BAMBI: variants seen among roughly 807,000 people sequenced by gnomAD.
BAMBI encodes BMP and activin membrane-bound inhibitor homolog.
In BAMBI, 21 loss-of-function variants were observed where a neutral mutation model predicts 24.1. The ratio of observed to expected loss-of-function variants is 0.87; its 90% CI spans 0.62 to 1.26. The LOEUF is 1.26. Ranked by LOEUF, BAMBI falls within the 50% of genes most tolerant of loss-of-function variation. The pLI is 0.00. For missense variants in BAMBI, 388 were observed against 329.1 expected, an observed-to-expected ratio of 1.18 and a Z score of -1.38; for synonymous variants, 156 against 123.1, an observed-to-expected ratio of 1.27 and a Z score of -1.77.
intron 1 of BAMBI, among the ~76,000 whole-genome samples, chr10:28,679,444 AC>A (rs1233408397): frequency 5.3e-5 from 8 of 152,180 alleles, no homozygotes; most frequent in African/African-American, 1.9e-4. Flanking sequence ...TTTGCATGCC[AC>A]AGGAAGAAAC....
rs556798784 is a variant in BAMBI, at chr10:28,682,179, G to A, written c.561G>A (p.Arg187=). 101 of 1,614,180 alleles carry A rather than the reference G, an allele frequency of 6.3e-5. 1 individual carries two copies. In the South Asian group the frequency reaches 1.1e-3, roughly 17 times the overall value. Residue 187 remains arginine (R), a synonymous_variant, in exon 3 of 3, where the codon CGG becomes CGA. Transcript: ENST00000375533. ...AAAATAAGAGGCTGCAGGATCAGCG[G>A]CAACAGATGCTCTCCCGTTTGCACT... ...RSENKRLQDQ[R]QQMLSRLHYS... is the part of the protein sequence containing the mutation.
rs902755062 is a variant in BAMBI, at chr10:28,677,875, C to T, written c.-23C>T. On this transcript the variant is annotated 5_prime_UTR_variant, in exon 1 of 3. Coordinates refer to ENST00000375533, the MANE Select transcript of BAMBI (RefSeq NM_012342.3). ...CCGGGGCTCCGGAAGCCGGCGGGGGCGCCGCGGCCGTGCGGGGCGTCAATG... is the reference window on the plus strand; with the variant it reads ...CCGGGGCTCCGGAAGCCGGCGGGGGTGCCGCGGCCGTGCGGGGCGTCAATG... The T allele has an allele frequency of 1.9e-5, 29 of 1,489,278 alleles. No homozygotes were observed. Among genetic ancestry groups the T allele is most frequent in the African/African-American group, 8.7e-5 (6 of 68,864 alleles). The allele number at this position is 1,489,278 out of a possible 1,614,324, so 92.3% of individuals were successfully genotyped here. A position where few individuals can be genotyped will look rare whatever the true frequency, so the allele number is the denominator to read the frequency against.
At chr10:28,681,592 C>A (rs777266309) in intron 2 of BAMBI, 47 bp downstream of exon 2, 2 of 1,581,010 alleles carry the variant, frequency 1.3e-6, no homozygotes, top group African/African-American at 2.7e-5. Flanking sequence ...GATCTATAGA[C>A]TTGTGACAGC....
rs144540469 is a variant in BAMBI at position 28,681,837 on chromosome 10, G to C, written c.365-146G>C. 869 of 892,820 alleles carry C rather than the reference G, an allele frequency of 9.7e-4. 5 individuals are homozygous for C. In the African/African-American group the frequency reaches 0.013, roughly 13 times the overall value. The allele number at this position is 892,820 out of a possible 1,614,324, so 55.3% of individuals were successfully genotyped here. A position where few individuals can be genotyped will look rare whatever the true frequency, so the allele number is the denominator to read the frequency against. On this transcript the variant is annotated intron_variant, in intron 2 of 2. Transcript: ENST00000375533. The stretch of plus-strand genomic sequence containing the variant: ...ACAAATGCGTTTGTAAGCTTCTTCA[G>C]ATAGTTTTGCAATGTTTTCTAAATA...
At chr10:28,679,030 A>G (rs73609849) in intron 1 of BAMBI, among the ~76,000 whole-genome samples, 103 of 152,314 alleles carry the variant, frequency 6.8e-4, no homozygotes, top group African/African-American at 2.4e-3. Context: ...ATTGCTATGT[A>G]GCAGGCATGA....
Position 28,681,298 on chromosome 10 carries a change from C to T in BAMBI, c.117C>T (p.Ala39=). The T allele has an allele frequency of 6.2e-7, 1 of 1,613,806 alleles. No homozygotes were observed. Among genetic ancestry groups the T allele is most frequent in the Non-Finnish European group, 8.5e-7 (1 of 1,180,028 alleles). The change falls in exon 2 of 3, where the codon GCC becomes GCT. Residue 39 remains alanine, a synonymous_variant. Transcript: ENST00000375533. Reference sequence around the variant, plus strand: ...ACTGTGATGCTGCCCACTGTGTAGCCACTGGTTATATGTGTAAATCTGAGC... The same window carrying T: ...ACTGTGATGCTGCCCACTGTGTAGCTACTGGTTATATGTGTAAATCTGAGC... ...RCYCDAAHCV[A]TGYMCKSELS... is the part of the protein sequence containing the mutation.
rs1161305483 is a variant in BAMBI at position 28,677,872 on chromosome 10, G to A, written c.-26G>A. The A allele has an allele frequency of 2.0e-5, 30 of 1,487,616 alleles. No homozygotes were observed. The highest frequency in any genetic ancestry group is 2.8e-5 in the East Asian group (1 of 36,160). The allele number at this position is 1,487,616 out of a possible 1,614,324, so 92.2% of individuals were successfully genotyped here. ...GAGCCGGGGCTCCGGAAGCCGGCGG[G>A]GGCGCCGCGGCCGTGCGGGGCGTCA... On this transcript the variant is annotated 5_prime_UTR_variant, in exon 1 of 3. Coordinates refer to ENST00000375533, the MANE Select transcript of BAMBI (RefSeq NM_012342.3).
At chr10:28,680,731 C>A (rs559487938) in intron 1 of BAMBI, among the ~76,000 whole-genome samples, 2 of 152,304 alleles carry the variant, frequency 1.3e-5, no homozygotes, top group East Asian at 3.9e-4. Context: ...TGCCTAGTTT[C>A]ATAGTTTTAA....
At position 28,682,447 on chromosome 10, in the gene BAMBI, T is replaced by C; in HGVS notation, c.*46T>C. The C allele has an allele frequency of 4.5e-6, 7 of 1,545,956 alleles. No homozygotes were observed. Among genetic ancestry groups the C allele is most frequent in the Non-Finnish European group, 6.2e-6 (7 of 1,137,050 alleles). ...ACTTACTGAACAGCTTGAAGGCCTTTTGAGTTCTGCTGGACAGGAGCACTT... is the reference window on the plus strand; with the variant it reads ...ACTTACTGAACAGCTTGAAGGCCTTCTGAGTTCTGCTGGACAGGAGCACTT... On this transcript the variant is annotated 3_prime_UTR_variant, in exon 3 of 3. Transcript: ENST00000375533.
chr10:28,682,510 CAAAATGA>C lies in BAMBI; in HGVS notation c.*110_*116del. On this transcript the variant is annotated 3_prime_UTR_variant, in exon 3 of 3. Coordinates refer to ENST00000375533, the MANE Select transcript of BAMBI (RefSeq NM_012342.3). Reference sequence around the variant, plus strand: ...AACTCATTTAATCATCTTTGAGAGACAAAATGACCTCTGCAAACAGAATCTTGGATAT... The same window carrying C: ...AACTCATTTAATCATCTTTGAGAGACCCTCTGCAAACAGAATCTTGGATAT... 3 of 995,486 alleles carry C rather than the reference CAAAATGA, an allele frequency of 3.0e-6. No homozygotes were observed. The Admixed American group carries it at 8.0e-5, about 26-fold the overall frequency. The allele number at this position is 995,486 out of a possible 1,614,324, so 61.7% of individuals were successfully genotyped here. A position where few individuals can be genotyped will look rare whatever the true frequency, so the allele number is the denominator to read the frequency against.
chr10:28,677,617 G>A lies in BAMBI; in HGVS notation c.-281G>A, dbSNP rs1017664331. 42 of 225,352 alleles carry A rather than the reference G, an allele frequency of 1.9e-4. No homozygotes were observed. The highest frequency in any genetic ancestry group is 9.4e-4 in the African/African-American group (41 of 43,450). 14.0% of individuals were successfully genotyped at this position (225,352 alleles called of 1,614,324 possible). On this transcript the variant is annotated 5_prime_UTR_variant, in exon 1 of 3. Transcript: ENST00000375533. Reference sequence around the variant, plus strand: ...CGGCCGCTAGCGGGGACTGAAGGCCGGGAGCCCACTCCCGACCCGGGGCTA... The same window carrying A: ...CGGCCGCTAGCGGGGACTGAAGGCCAGGAGCCCACTCCCGACCCGGGGCTA...
Position 28,677,717 on chromosome 10 carries a change from TCCTGGG to T in BAMBI, c.-179_-174del, listed in dbSNP as rs1834451104. ...GGGGGACCGGGAAACTTTTCTGGGC[TCCTGGG>T]CGCGCCCTGTAGCCGCGCTCCATGC... On this transcript the variant is annotated 5_prime_UTR_variant, in exon 1 of 3. Transcript: ENST00000375533. 5 of 303,156 alleles carry T rather than the reference TCCTGGG, an allele frequency of 1.6e-5. No individual in the cohort carries two copies. Among genetic ancestry groups the T allele is most frequent in the Non-Finnish European group, 3.0e-5 (5 of 169,194 alleles). The allele number at this position is 303,156 out of a possible 1,614,324, so 18.8% of individuals were successfully genotyped here. A position where few individuals can be genotyped will look rare whatever the true frequency, so the allele number is the denominator to read the frequency against.
At chr10:28,678,379 C>T (rs980917153) in intron 1 of BAMBI, among the ~76,000 whole-genome samples, 1 of 152,196 alleles carries the variant, frequency 6.6e-6, no homozygotes, top group Non-Finnish European at 1.5e-5. Context: ...GTGAGTGTGT[C>T]TCTGAGTCTC....
At chr10:28,680,580 A>T (rs1367405398) in intron 1 of BAMBI, among the ~76,000 whole-genome samples, 2 of 152,202 alleles carry the variant, frequency 1.3e-5, no homozygotes, top group Admixed American at 6.5e-5. Context: ...ATTTGGGCTG[A>T]AAGAAATTGA....
At chr10:28,680,124 C>G (rs994447895) in intron 1 of BAMBI, among the ~76,000 whole-genome samples, 1 of 152,166 alleles carries the variant, frequency 6.6e-6, no homozygotes, top group East Asian at 1.9e-4. Context: ...GTTTGTAAAA[C>G]AGCAGATCCC....
chr10:28,680,834 C>T (rs1188157016), intron 1 of BAMBI, among the ~76,000 whole-genome samples: 1 of 152,016 alleles, frequency 6.6e-6, no homozygotes, highest in Non-Finnish European at 1.5e-5. Flanking sequence ...TGGTGCAGTC[C>T]TGTGGGATAG....
Position 28,677,555 on chromosome 10 carries a change from T to C in BAMBI, c.-343T>C, listed in dbSNP as rs924382872. The C allele has an allele frequency of 2.0e-4, 34 of 169,200 alleles. No homozygotes were observed. Among genetic ancestry groups the C allele is most frequent in the Non-Finnish European group, 4.1e-4 (33 of 79,778 alleles). 10.5% of individuals were successfully genotyped at this position (169,200 alleles called of 1,614,324 possible). ...CGGGCGGGAGCTGCGGCGGATACCC[T>C]TGCGTGCTGTGGAGACCCTACTCTC... On this transcript the variant is annotated 5_prime_UTR_variant, in exon 1 of 3. Coordinates refer to ENST00000375533, the MANE Select transcript of BAMBI (RefSeq NM_012342.3).
rs56281747 is a variant in BAMBI at position 28,681,558 on chromosome 10, C to T, written c.364+13C>T. 0.14 allele frequency: 225,434 copies of T among 1,609,528 alleles called. 19,424 individuals carry two copies. Among genetic ancestry groups the T allele is most frequent in the East Asian group, 0.38 (16,902 of 44,766 alleles). Reference sequence around the variant, plus strand: ...GGTGAGGCCTCAGGTAGGTGGAAGCCGTTTCTAACCAGAATGCCTGCCTGA... The same window carrying T: ...GGTGAGGCCTCAGGTAGGTGGAAGCTGTTTCTAACCAGAATGCCTGCCTGA... On this transcript the variant is annotated intron_variant, in intron 2 of 2. Coordinates refer to ENST00000375533, the MANE Select transcript of BAMBI (RefSeq NM_012342.3).
In BAMBI at chr10:28,681,361, C is replaced by G. The variant is rs1259677216; in HGVS notation, c.180C>G (p.Asn60Lys). 6.2e-7 allele frequency: 1 copy of G among 1,614,208 alleles called. No homozygotes were observed. Among genetic ancestry groups the G allele is most frequent in the Non-Finnish European group, 8.5e-7 (1 of 1,180,038 alleles). The change falls in exon 2 of 3, where the codon AAC becomes AAG. Residue 60 changes from asparagine to lysine, a missense_variant. Asn to Lys is a moderately conservative substitution (Grantham distance 94). Coordinates refer to ENST00000375533, the MANE Select transcript of BAMBI (RefSeq NM_012342.3). ...ACFSRLLDPQ[N>K]SNSPLTHGCL... ...TCTCTAGACTTCTTGATCCTCAGAA[C>G]TCAAATTCCCCACTCACCCATGGCT...
Sources: gnomAD v4.1 joint callset for allele counts (sites outside exome capture counted in the v4.1 genomes callset) on GRCh38, gnomAD v4.1.1 for gene constraint, MANE v1.5 for transcripts, NCBI Gene and HGNC (gene_info 2026-07-23, HGNC 2026-07-21) for gene names.